The following PPP2R2C variants were observed in gnomAD, a reference collection of about 807,000 sequenced individuals.
The protein encoded by PPP2R2C is protein phosphatase 2, regulatory subunit B, gamma.
A neutral mutation model predicts 45.3 loss-of-function variants in PPP2R2C; 10 were observed. The observed-to-expected ratio is 0.22, with a 90% confidence interval of 0.14 to 0.37. The LOEUF (loss-of-function observed/expected upper bound fraction) is 0.37, where lower values mean the gene tolerates loss of function less well. Among genes scored for constraint, PPP2R2C ranks in the 10% least tolerant of loss-of-function variants. PPP2R2C has a pLI of 1.00. For synonymous variants in PPP2R2C, 257 were observed against 245.4 expected (o/e 1.05, Z -0.44); for missense variants, 308 against 619.7 (o/e 0.50, Z 5.34).
chr4:6,524,666 T>C (rs1201381914), intron 2 of PPP2R2C, among the ~76,000 whole-genome samples: 3 of 152,216 alleles, frequency 2.0e-5, no homozygotes, highest in South Asian at 2.1e-4. Flanking sequence ...TGGGCCGAGC[T>C]TCACCTATTT....
chr4:6,356,355 T>A (rs141491820), intron 5 of PPP2R2C, among the ~76,000 whole-genome samples: 1 of 152,144 alleles, frequency 6.6e-6, no homozygotes, highest in African/African-American at 2.4e-5. Context: ...CCCTTCTACA[T>A]TGGAAACAGA....
intron 2 of PPP2R2C, among the ~76,000 whole-genome samples, chr4:6,511,507 G>A (rs1215779295): frequency 1.5e-4 from 4 of 27,250 alleles, no homozygotes; most frequent in Admixed American, 9.1e-4. Context: ...GGCGGTGATG[G>A]TGGTGGTGGT....
At chr4:6,561,048 C>T (rs772381504) in intron 1 of PPP2R2C, among the ~76,000 whole-genome samples, 10 of 152,206 alleles carry the variant, frequency 6.6e-5, no homozygotes, top group Non-Finnish European at 8.8e-5. Context: ...TGGCGGTGAC[C>T]GCCCTTCCCT....
chr4:6,352,516 G>T (rs983315373), intron 5 of PPP2R2C, among the ~76,000 whole-genome samples: 2 of 152,134 alleles, frequency 1.3e-5, no homozygotes, highest in Non-Finnish European at 2.9e-5. Context: ...TTCATCTTCT[G>T]TTTTCCCATC....
At chr4:6,353,125 T>C (rs1272898619) in intron 5 of PPP2R2C, among the ~76,000 whole-genome samples, 2 of 151,892 alleles carry the variant, frequency 1.3e-5, no homozygotes, top group Admixed American at 1.3e-4. Flanking sequence ...GGTGAGAATA[T>C]ATCTGTATTT....
At chr4:6,335,739 G>T in intron 6 of PPP2R2C, among the ~76,000 whole-genome samples, 1 of 152,040 alleles carries the variant, frequency 6.6e-6, no homozygotes, top group Non-Finnish European at 1.5e-5. Flanking sequence ...GGGAGGTGAG[G>T]GGAGGTGAGA....
At chr4:6,440,313 C>A (rs1720089945) in intron 1 of PPP2R2C, among the ~76,000 whole-genome samples, 1 of 152,192 alleles carries the variant, frequency 6.6e-6, no homozygotes, top group Non-Finnish European at 1.5e-5. Flanking sequence ...AGAGTTCTAA[C>A]CTTTAGAGTT....
At chr4:6,403,887 C>T (rs1717615763) in intron 1 of PPP2R2C, among the ~76,000 whole-genome samples, 1 of 148,730 alleles carries the variant, frequency 6.7e-6, no homozygotes, top group African/African-American at 2.5e-5. Flanking sequence ...AAAAGTACAA[C>T]AAATCCCCTC....
chr4:6,393,141 A>G (rs977381552), intron 1 of PPP2R2C, among the ~76,000 whole-genome samples: 8 of 152,226 alleles, frequency 5.3e-5, no homozygotes, highest in African/African-American at 1.2e-4. Context: ...AACCATCACC[A>G]CAGTCTAATG....
chr4:6,323,736 G>C (rs1731716618), intron 8 of PPP2R2C, 143 bp from the exon 9 acceptor site: 1 of 760,570 alleles, frequency 1.3e-6, no homozygotes. Context: ...AGGAGTTCAA[G>C]ACCAGCCTGG....
At chr4:6,404,754 GA>G (rs1717679850) in intron 1 of PPP2R2C, among the ~76,000 whole-genome samples, 1 of 152,218 alleles carries the variant, frequency 6.6e-6, no homozygotes, top group African/African-American at 2.4e-5. Flanking sequence ...CAAAAGCAGG[GA>G]GGCACGGAAA....
intron 1 of PPP2R2C, among the ~76,000 whole-genome samples, chr4:6,386,653 T>A (rs201024497): frequency 1.3e-5 from 2 of 152,242 alleles, no homozygotes; most frequent in Non-Finnish European, 2.9e-5. Flanking sequence ...GTCGCTCTTA[T>A]GCTATCATTC....
intron 5 of PPP2R2C, chr4:6,350,440 A>G (rs929461659): frequency 1.2e-5 from 12 of 985,454 alleles, no homozygotes; most frequent in Non-Finnish European, 1.3e-5. Flanking sequence ...GAGGGGCTAC[A>G]TTCTCTCTGC....
intron 1 of PPP2R2C, among the ~76,000 whole-genome samples, chr4:6,452,846 T>C (rs1385276029): frequency 6.6e-6 from 1 of 152,190 alleles, no homozygotes; most frequent in Non-Finnish European, 1.5e-5. Flanking sequence ...ACAGGGATGC[T>C]GGGGACCAGC....
rs994956555 is a variant in PPP2R2C at position 6,333,791 on chromosome 4, G to A, written c.791-60C>T. ...CTGCTCCCGCCCATGGGGTTGGCACGACGGATGACTCTGTTTTGCACCTGG... is the reference window on the plus strand; with the variant it reads ...CTGCTCCCGCCCATGGGGTTGGCACAACGGATGACTCTGTTTTGCACCTGG... On this transcript the variant is annotated intron_variant, in intron 6 of 8. Coordinates refer to ENST00000382599, the MANE Select transcript of PPP2R2C (RefSeq NM_020416.4). The A allele has an allele frequency of 2.5e-5, 40 of 1,580,334 alleles. No homozygotes were observed. The Admixed American group carries it at 3.0e-4, about 12-fold the overall frequency.
At chr4:6,548,292 C>T (rs548254290) in intron 1 of PPP2R2C, among the ~76,000 whole-genome samples, 5 of 152,144 alleles carry the variant, frequency 3.3e-5, no homozygotes, top group Admixed American at 3.3e-4. Flanking sequence ...GGCTAACACT[C>T]AGCCTCTCTG....
At chr4:6,373,955 C>T (rs780802844) in intron 4 of PPP2R2C, among the ~76,000 whole-genome samples, 85 of 151,538 alleles carry the variant, frequency 5.6e-4, no homozygotes, top group Non-Finnish European at 1.1e-3. Flanking sequence ...TGAGTGACAG[C>T]CTGGCTCTGG....
chr4:6,350,986 C>T (rs1259384864), intron 5 of PPP2R2C: 1 of 985,328 alleles, frequency 1.0e-6, no homozygotes, highest in Non-Finnish European at 1.2e-6. Flanking sequence ...TCCTTTCCCA[C>T]CTGGGGATGT....
intron 1 of PPP2R2C, among the ~76,000 whole-genome samples, chr4:6,541,545 C>T (rs1297932703): frequency 5.9e-5 from 9 of 152,006 alleles, no homozygotes; most frequent in African/African-American, 1.2e-4. Context: ...TGAGTTGTTT[C>T]GTTTGTTTGT....
Sources: gnomAD v4.1 joint callset for allele counts (sites outside exome capture counted in the v4.1 genomes callset) on GRCh38, gnomAD v4.1.1 for gene constraint, MANE v1.5 for transcripts, NCBI Gene and HGNC (gene_info 2026-07-23, HGNC 2026-07-21) for gene names.